The following RPS9 variants were observed in gnomAD, a reference collection of about 807,000 sequenced individuals.
The protein encoded by RPS9 is ribosomal protein S9.
Under a neutral mutation model 16.9 loss-of-function variants are expected in RPS9, and 1 was observed. The ratio of observed to expected loss-of-function variants is 0.06; its 90% CI spans 0.02 to 0.28. The LOEUF (loss-of-function observed/expected upper bound fraction) is 0.28, where lower values mean the gene tolerates loss of function less well. RPS9 is among the 10% of genes least tolerant of loss of function. The probability of loss-of-function intolerance (pLI) is 1.00; values close to 1 mark genes in which losing one functional copy is unlikely to be tolerated. For missense variants in RPS9, 137 were observed against 273.2 expected (o/e 0.50, Z 3.51); for synonymous variants, 106 against 110.9 (o/e 0.96, Z 0.28).
Position 54,201,605 on chromosome 19 carries a change from C to T in RPS9, c.216C>T (p.Phe72=), listed in dbSNP as rs1383479190. ...ATGAGAAGGACCCACGGCGTCTGTT[C>T]GAAGGTGCGTATGGGAGTCCACAGC... ...TLDEKDPRRL[F]EGNALLRRLV... is the part of the protein sequence containing the mutation. Residue 72 remains phenylalanine (F), a synonymous_variant, in exon 3 of 5, where the codon TTC becomes TTT. Coordinates refer to ENST00000302907, the MANE Select transcript of RPS9 (RefSeq NM_001013.4). The T allele has an allele frequency of 6.2e-7, 1 of 1,614,064 alleles. No individual in the cohort carries two copies. Among genetic ancestry groups the T allele is most frequent in the Non-Finnish European group, 8.5e-7 (1 of 1,180,010 alleles).
chr19:54,202,420 G>C, intron 3 of RPS9: 1 of 984,970 alleles, frequency 1.0e-6, no homozygotes, highest in African/African-American at 1.7e-5. Context: ...TTTTAAGCTG[G>C]TCAAGGACAT....
chr19:54,204,212 GTC>G (rs1187158583), intron 3 of RPS9, among the ~76,000 whole-genome samples: 1 of 152,072 alleles, frequency 6.6e-6, no homozygotes, highest in East Asian at 1.9e-4. Flanking sequence ...AAACCCCTTA[GTC>G]TCTACTGAAA....
chr19:54,203,361 C>A (rs117610804), intron 3 of RPS9: 1 of 959,382 alleles, frequency 1.0e-6, no homozygotes, highest in African/African-American at 1.8e-5. Flanking sequence ...TTGGTGTAAT[C>A]CTGCCTTGAT....
rs758237852 is a variant in RPS9 at position 54,201,145 on chromosome 19, T to TTCTCTCACG, written c.-25-9_-25-8insACGTCTCTC. The TTCTCTCACG allele has an allele frequency of 6.2e-7, 1 of 1,612,418 alleles. No individual in the cohort carries two copies. The highest frequency in any genetic ancestry group is 1.1e-5 in the South Asian group (1 of 91,010). On this transcript the variant is annotated splice_polypyrimidine_tract_variant and intron_variant, in intron 1 of 4. Coordinates refer to ENST00000302907, the MANE Select transcript of RPS9 (RefSeq NM_001013.4). ...CCGTTTGGATCCCTTACGCTCACAC[T>TTCTCTCACG]TCTCTCCCGCGCAGGCGCAGACGGG...
At chr19:54,202,556 G>A in intron 3 of RPS9, 3 of 980,640 alleles carry the variant, frequency 3.1e-6, no homozygotes, top group South Asian at 4.7e-5. Flanking sequence ...TTTACTAATT[G>A]TGGTGAAATA....
intron 3 of RPS9, among the ~76,000 whole-genome samples, chr19:54,204,378 A>T (rs2077170545): frequency 6.6e-6 from 1 of 152,214 alleles, no homozygotes; most frequent in Non-Finnish European, 1.5e-5. Context: ...AAATGATAAT[A>T]AATGTGAAAC....
chr19:54,200,884 C>T lies in RPS9; in HGVS notation c.-30C>T, dbSNP rs1042786414. On this transcript the variant is annotated 5_prime_UTR_variant, in exon 1 of 5. Transcript: ENST00000302907. ...TCTTTCTCAGTGACCGGGTGGTTTG[C>T]TTAGGTGAGGTGCGGTGGTGTGCTT... 4.8e-5 allele frequency: 54 copies of T among 1,129,928 alleles called. No individual in the cohort carries two copies. The highest frequency in any genetic ancestry group is 4.1e-4 in the Middle Eastern group (1 of 2,448). 70.0% of individuals were successfully genotyped at this position (1,129,928 alleles called of 1,614,324 possible).
intron 3 of RPS9, chr19:54,202,296 C>T (rs550187689): frequency 2.8e-6 from 1 of 359,624 alleles, no homozygotes; most frequent in Admixed American, 6.4e-5. Flanking sequence ...AGCGATTCTC[C>T]TGTCTTAGCC....
In RPS9 at chr19:54,206,256, T is replaced by C; in HGVS notation, c.221-20T>C. ...CTGAGGTCAGAAGGCGGAATCAGTG[T>C]TTCCTCCCACTCTTCCCAGGCAACG... is the stretch of plus-strand genomic sequence containing the variant. On this transcript the variant is annotated intron_variant, in intron 3 of 4. Transcript: ENST00000302907. 1 of 1,607,876 alleles carries C rather than the reference T, an allele frequency of 6.2e-7. No homozygotes were observed. The highest frequency in any genetic ancestry group is 2.2e-5 in the East Asian group (1 of 44,718).
At chr19:54,205,375 T>C (rs12984659) in intron 3 of RPS9, among the ~76,000 whole-genome samples, 46,077 of 150,990 alleles carry the variant, frequency 0.31, 8,303 homozygotes, top group East Asian at 0.43. Context: ...GGATATTTTA[T>C]GCAGTGCATT....
chr19:54,206,928 G>C (rs150511790), intron 4 of RPS9: 6 of 511,154 alleles, frequency 1.2e-5, no homozygotes, highest in Non-Finnish European at 2.1e-5. Flanking sequence ...AGATGTTTGC[G>C]TTTAGAATCT....
intron 2 of RPS9, 70 bp from the exon 3 acceptor site, chr19:54,201,417 C>T: frequency 1.2e-6 from 2 of 1,608,984 alleles, no homozygotes; most frequent in Non-Finnish European, 1.7e-6. Flanking sequence ...TTTTGTGATT[C>T]CAAAGCTGCC....
chr19:54,207,509 G>T lies in RPS9; in HGVS notation c.519G>T (p.Val173=), dbSNP rs2147164195. 3.1e-6 allele frequency: 5 copies of T among 1,613,088 alleles called. No individual in the cohort carries two copies. The highest frequency in any genetic ancestry group is 4.2e-6 in the Non-Finnish European group (5 of 1,180,042). Residue 173 remains valine (V), a synonymous_variant, in exon 5 of 5, where the codon GTG becomes GTT. Coordinates refer to ENST00000302907, the MANE Select transcript of RPS9 (RefSeq NM_001013.4). ...ACGGGGGTGGCCGCCCGGGCCGCGT[G>T]AAGAGGAAGAATGCCAAGAAGGGCC... ...SPYGGGRPGR[V]KRKNAKKGQG...
chr19:54,202,873 C>G, intron 3 of RPS9: 1 of 985,368 alleles, frequency 1.0e-6, no homozygotes, highest in African/African-American at 1.7e-5. Flanking sequence ...GAAGCTTTTT[C>G]TTTAAATAGG....
chr19:54,201,067 G>T, intron 1 of RPS9, 93 bp from the exon 2 acceptor site: 1 of 1,524,356 alleles, frequency 6.6e-7, no homozygotes, highest in South Asian at 1.2e-5. Context: ...ATTCTCGCGA[G>T]ATCGGATCTG....
chr19:54,201,110 T>C (rs2077028784), intron 1 of RPS9, 50 bp from the exon 2 acceptor site: 3 of 1,594,738 alleles, frequency 1.9e-6, no homozygotes. Context: ...GTTGTGGGAC[T>C]GCGCAGGCGC....
intron 2 of RPS9, 59 bp downstream of exon 2, chr19:54,201,340 A>G: frequency 1.2e-6 from 2 of 1,613,060 alleles, no homozygotes; most frequent in Non-Finnish European, 1.7e-6. Context: ...TAGCACGTGG[A>G]TGAAGGTGCC....
chr19:54,206,646 T>C, intron 4 of RPS9, 184 bp downstream of exon 4: 4 of 1,550,204 alleles, frequency 2.6e-6, no homozygotes, highest in Non-Finnish European at 3.5e-6. Context: ...CTTGCCCCAA[T>C]AGCCCAGCGC....
chr19:54,206,469 C>T lies in RPS9; in HGVS notation c.407+7C>T. 1 of 1,614,186 alleles carries T rather than the reference C, an allele frequency of 6.2e-7. No individual in the cohort carries two copies. Reference sequence around the variant, plus strand: ...TCCGCCAGCGCCATATCAGGTACCACCTCGGATGGGCACCTGAATCTTCCT... The same window carrying T: ...TCCGCCAGCGCCATATCAGGTACCATCTCGGATGGGCACCTGAATCTTCCT... On this transcript the variant is annotated splice_region_variant and intron_variant, in intron 4 of 4. Coordinates refer to ENST00000302907, the MANE Select transcript of RPS9 (RefSeq NM_001013.4).
Sources: allele counts gnomAD v4.1 joint callset (sites outside exome capture counted in the v4.1 genomes callset), GRCh38; gene constraint gnomAD v4.1.1; transcripts MANE v1.5; gene names NCBI Gene and HGNC (gene_info 2026-07-23, HGNC 2026-07-21).